CP: variants seen among roughly 807,000 people sequenced by gnomAD.
CP encodes caeruloplasmin.
In CP, 64 loss-of-function variants were observed where a neutral mutation model predicts 122.4. The ratio of observed to expected loss-of-function variants is 0.52; its 90% CI spans 0.43 to 0.64. The LOEUF is 0.64. Ranked by LOEUF, CP falls within the 30% of genes least tolerant of loss-of-function variation. The pLI is 0.00. For missense variants in CP, 1,167 were observed against 1,284.4 expected (o/e 0.91, Z 1.40); for synonymous variants, 440 against 436.4 (o/e 1.01, Z -0.10).
intron 1 of CP, chr3:149,217,823 T>C: frequency 1.0e-5 from 4 of 396,228 alleles, no homozygotes; most frequent in South Asian, 7.7e-5. Context: ...ATACTTATTA[T>C]ATCCTGATCA....
In CP at chr3:149,198,291, G is replaced by T. The variant is rs532047521; in HGVS notation, c.1713+76C>A. The T allele has an allele frequency of 1.1e-5, 13 of 1,164,356 alleles. No homozygotes were observed. In the South Asian group the frequency reaches 1.2e-4, roughly 11 times the overall value. The allele number at this position is 1,164,356 out of a possible 1,614,324, so 72.1% of individuals were successfully genotyped here. On this transcript the variant is annotated intron_variant, in intron 9 of 18. Transcript: ENST00000264613. ...AAGTATTTTTGGAGATAATGATGAGGTTAGATATTTCTATTTCTGTCAAAT... is the reference window on the plus strand; with the variant it reads ...AAGTATTTTTGGAGATAATGATGAGTTTAGATATTTCTATTTCTGTCAAAT...
At chr3:149,199,921 A>G (rs1727187903) in intron 7 of CP, 57 bp from the exon 8 acceptor site, 1 of 1,548,060 alleles carries the variant, frequency 6.5e-7, no homozygotes, top group Non-Finnish European at 8.9e-7. Flanking sequence ...CAGAATGTAT[A>G]AGATAGTTAT....
chr3:149,183,444 T>A, intron 13 of CP, 22 bp downstream of exon 13: 1 of 1,610,016 alleles, frequency 6.2e-7, no homozygotes. Flanking sequence ...CCACACCTGA[T>A]AAACTGGAGA....
chr3:149,199,755 G>A lies in CP; in HGVS notation c.1458C>T (p.Asn486=), dbSNP rs144537170. ...AATTTGGGGAATAGTATGTGCCCTC[G>A]TTGTTCTTATTGAATCTCACCCCAA... ...EPIGVRFNKN[N]EGTYYSPNYN... Residue 486 remains asparagine, a synonymous_variant, in exon 8 of 19, where the codon AAC becomes AAT. Coordinates refer to ENST00000264613, the MANE Select transcript of CP (RefSeq NM_000096.4). 204 of 1,613,966 alleles carry A rather than the reference G, an allele frequency of 1.3e-4. No homozygotes were observed. Among genetic ancestry groups the A allele is most frequent in the Admixed American group, 2.8e-4 (17 of 59,998 alleles).
intron 7 of CP, 63 bp from the exon 8 acceptor site, chr3:149,199,927 G>C (rs1727188233): frequency 6.6e-7 from 1 of 1,517,402 alleles, no homozygotes; most frequent in Non-Finnish European, 9.1e-7. Flanking sequence ...GTATAAGATA[G>C]TTATCTTCTT....
At chr3:149,168,181 GT>G (rs1489428220), downstream of CP, 3 of 563,298 alleles carry the variant, frequency 5.3e-6, no homozygotes, top group Non-Finnish European at 9.7e-6. Context: ...CAGAACTGAT[GT>G]TCTTTTAACT....
At position 149,185,638 on chromosome 3, in the gene CP, A is replaced by C. The variant is rs11917114; in HGVS notation, c.2078-192T>G. Among the ~76,000 whole-genome samples the C allele has an allele frequency of 0.065, 9,895 of 152,028 alleles. 835 individuals carry two copies. Among genetic ancestry groups the C allele is most frequent in the African/African-American group, 0.2 (8,315 of 41,396 alleles). On this transcript the variant is annotated intron_variant, in intron 11 of 18. Transcript: ENST00000264613. ...GATCAAGTGTGTGCCTGCCTTGGGA[A>C]CTTTGCACTTGCTGTTTCCTCTGCC...
chr3:149,166,511 G>A (rs1724430889), intron 4 of CP, among the ~76,000 whole-genome samples: 1 of 152,050 alleles, frequency 6.6e-6, no homozygotes, highest in Non-Finnish European at 1.5e-5. Context: ...ATTTTGTATT[G>A]AAATTTTTTT....
intron 9 of CP, among the ~76,000 whole-genome samples, chr3:149,196,401 GA>G (rs1726898715): frequency 6.6e-6 from 1 of 152,092 alleles, no homozygotes; most frequent in Non-Finnish European, 1.5e-5. Context: ...AAAAGGCCCA[GA>G]AACAATTGTT....
intron 9 of CP, among the ~76,000 whole-genome samples, chr3:149,195,681 G>A (rs972456206): frequency 6.6e-6 from 1 of 152,202 alleles, no homozygotes; most frequent in African/African-American, 2.4e-5. Flanking sequence ...TGGCTAACAC[G>A]GTGAAACCCG....
intron 1 of CP, among the ~76,000 whole-genome samples, chr3:149,217,408 A>G (rs1294849588): frequency 1.3e-5 from 2 of 152,202 alleles, no homozygotes; most frequent in Non-Finnish European, 2.9e-5. Flanking sequence ...CCAAAACCCA[A>G]TTCAATGTAG....
At chr3:149,169,108 A>G (rs185242958), downstream of CP, among the ~76,000 whole-genome samples, 1 of 152,016 alleles carries the variant, frequency 6.6e-6, no homozygotes, top group Admixed American at 6.6e-5. Context: ...ATTAGACTGT[A>G]ATACCTCAAG....
chr3:149,190,755 A>G (rs1443404807), intron 9 of CP, among the ~76,000 whole-genome samples: 1 of 152,104 alleles, frequency 6.6e-6, no homozygotes, highest in East Asian at 1.9e-4. Context: ...GTTTCTTTCA[A>G]CTCTCTAGGG....
downstream of CP, chr3:149,172,318 T>TCACA (rs113015797): frequency 0.11 from 63,340 of 567,798 alleles, 1,751 homozygotes; most frequent in East Asian, 0.17. Context: ...ATTTTATATA[T>TCACA]CACACACACA....
chr3:149,170,508 T>C (rs1227912051), downstream of CP: 1 of 152,232 alleles, frequency 6.6e-6, no homozygotes, highest in Non-Finnish European at 1.5e-5. Flanking sequence ...TAGCAGACAG[T>C]ACCACTACAT....
chr3:149,186,193 A>T (rs1218542286), intron 11 of CP: 4 of 383,358 alleles, frequency 1.0e-5, no homozygotes, highest in South Asian at 2.4e-5. Flanking sequence ...CAGAATATTT[A>T]TGGGAGTCAT....
At chr3:149,214,231 G>C (rs372238725) in intron 1 of CP, among the ~76,000 whole-genome samples, 1 of 152,168 alleles carries the variant, frequency 6.6e-6, no homozygotes, top group Non-Finnish European at 1.5e-5. Context: ...GGACCTCTGC[G>C]GTGGAGGCTA....
chr3:149,166,998 G>GC, intron 4 of CP: 2 of 1,506,452 alleles, frequency 1.3e-6, no homozygotes, highest in Non-Finnish European at 1.8e-6. Flanking sequence ...TTTTTGAGGT[G>GC]CCTCATTTCA....
In CP at chr3:149,217,966, AC is replaced by A. The variant is rs1447090221; in HGVS notation, c.146+3680del. 7 of 356,652 alleles carry A rather than the reference AC, an allele frequency of 2.0e-5. No homozygotes were observed. The East Asian group carries it at 6.6e-4, about 34-fold the overall frequency. The allele number at this position is 356,652 out of a possible 1,614,324, so 22.1% of individuals were successfully genotyped here. On this transcript the variant is annotated intron_variant, in intron 1 of 18. Transcript: ENST00000264613. ...CTGCTTATAGTGACATCTTCACTGT[AC>A]CATTTGTTTTGGAAACCTCTAATGG... is the stretch of plus-strand genomic sequence containing the variant.
Sources: gnomAD v4.1 joint callset for allele counts (sites outside exome capture counted in the v4.1 genomes callset) on GRCh38, gnomAD v4.1.1 for gene constraint, MANE v1.5 for transcripts, NCBI Gene and HGNC (gene_info 2026-07-23, HGNC 2026-07-21) for gene names.